The following TRDN variants were observed in gnomAD, a reference collection of about 807,000 sequenced individuals.
TRDN encodes triadin.
TRDN carries 161 observed loss-of-function variants against 149.7 expected under a neutral mutation model. That is an observed-to-expected ratio of 1.08 (90% confidence interval 0.95 to 1.23). The LOEUF (loss-of-function observed/expected upper bound fraction) is 1.23. Among genes scored for constraint, TRDN ranks in the 50% most tolerant of loss-of-function variants. The pLI is 0.00. For synonymous variants in TRDN, 294 were observed against 250.5 expected, an observed-to-expected ratio of 1.17 and a Z score of -1.64; for missense variants, 896 against 823.5, an observed-to-expected ratio of 1.09 and a Z score of -1.08.
At chr6:123,372,661 G>T (rs1487916197) in intron 19 of TRDN, among the ~76,000 whole-genome samples, 1 of 152,102 alleles carries the variant, frequency 6.6e-6, no homozygotes, top group Non-Finnish European at 1.5e-5. Context: ...CATTGAAAGA[G>T]AAAGGGGTGA....
At position 123,366,158 on chromosome 6, in the gene TRDN, A is replaced by G. The variant is rs773041942; in HGVS notation, c.1298T>C (p.Ile433Thr). ...ACCTTTTTTAATTGAAACCGCACCAATCTCCTCTTTGGCTCGTTCAGTTTC... is the reference window on the plus strand; with the variant it reads ...ACCTTTTTTAATTGAAACCGCACCAGTCTCCTCTTTGGCTCGTTCAGTTTC... ...KAKTERAKEE[I>T]GAVSIKKAVP... is the part of the protein sequence containing the mutation. The change falls in exon 20 of 41, where the codon ATT becomes ACT. Residue 433 changes from isoleucine to threonine, a missense_variant. Ile to Thr is a moderately conservative substitution (Grantham distance 89, BLOSUM62 -1). Transcript: ENST00000334268. The G allele has an allele frequency of 2.5e-6, 4 of 1,612,944 alleles. No homozygotes were observed. In the East Asian group the frequency reaches 6.7e-5, roughly 27 times the overall value.
intron 10 of TRDN, among the ~76,000 whole-genome samples, chr6:123,449,364 G>A (rs557656790): frequency 3.9e-5 from 6 of 152,014 alleles, no homozygotes; most frequent in East Asian, 3.9e-4. Context: ...GAAATAGATC[G>A]ATTAAAAAAA....
rs1453956245 is a variant in TRDN at position 123,217,687 on chromosome 6, A to T, written c.*914T>A. 3 of 152,034 alleles carry T rather than the reference A, an allele frequency of 2.0e-5. No individual in the cohort carries two copies. Among genetic ancestry groups the T allele is most frequent in the Admixed American group, 2.0e-4 (3 of 15,230 alleles). The allele number at this position is 152,034 out of a possible 1,614,324, so 9.4% of individuals were successfully genotyped here. A position where few individuals can be genotyped will look rare whatever the true frequency, so the allele number is the denominator to read the frequency against. On this transcript the variant is annotated 3_prime_UTR_variant, in exon 41 of 41. Coordinates refer to ENST00000334268, the MANE Select transcript of TRDN (RefSeq NM_006073.4). ...TTGATGGCATTCATATTTTGCCATTATGAGAAAGAAAAACATTTTACTTCA... is the reference window on the plus strand; with the variant it reads ...TTGATGGCATTCATATTTTGCCATTTTGAGAAAGAAAAACATTTTACTTCA...
At chr6:123,382,025 C>G (rs1781742619) in intron 15 of TRDN, 93 bp downstream of exon 15, 3 of 919,998 alleles carry the variant, frequency 3.3e-6, no homozygotes, top group Non-Finnish European at 4.5e-6. Context: ...CTATCCCACA[C>G]ATAATTCTTT....
intron 38 of TRDN, among the ~76,000 whole-genome samples, chr6:123,248,556 C>CA (rs898257868): frequency 5.3e-5 from 8 of 150,922 alleles, no homozygotes; most frequent in East Asian, 2.0e-4. Flanking sequence ...GACTCCATCT[C>CA]AAAAAAAATA....
At chr6:123,574,687 C>A (rs1156921894) in intron 1 of TRDN, among the ~76,000 whole-genome samples, 1 of 151,642 alleles carries the variant, frequency 6.6e-6, no homozygotes, top group South Asian at 2.1e-4. Flanking sequence ...TTCAGATTCA[C>A]TGTATTGAGT....
chr6:123,228,773 C>T (rs1303393853), intron 38 of TRDN, among the ~76,000 whole-genome samples: 1 of 151,872 alleles, frequency 6.6e-6, no homozygotes, highest in Non-Finnish European at 1.5e-5. Flanking sequence ...CCTAACATAC[C>T]TGCTGGCAGG....
At chr6:123,402,654 A>G (rs931401078) in intron 12 of TRDN, among the ~76,000 whole-genome samples, 1 of 152,280 alleles carries the variant, frequency 6.6e-6, no homozygotes, top group African/African-American at 2.4e-5. Flanking sequence ...TTTTGAAGAG[A>G]TAAAAGTGTC....
At chr6:123,366,843 A>G (rs1434341741) in intron 19 of TRDN, among the ~76,000 whole-genome samples, 2 of 152,192 alleles carry the variant, frequency 1.3e-5, no homozygotes, top group Non-Finnish European at 2.9e-5. Context: ...TAAGTTACAT[A>G]TGAATTATAG....
intron 14 of TRDN, among the ~76,000 whole-genome samples, chr6:123,384,271 G>A (rs903024351): frequency 2.6e-5 from 4 of 152,118 alleles, no homozygotes; most frequent in African/African-American, 9.7e-5. Context: ...GTATGAACTT[G>A]ATAGTTCAAT....
intron 1 of TRDN, among the ~76,000 whole-genome samples, chr6:123,575,285 G>C (rs1300274300): frequency 6.6e-6 from 1 of 151,886 alleles, no homozygotes; most frequent in Non-Finnish European, 1.5e-5. Context: ...ACATTAAGTT[G>C]TACCTTTCAA....
At chr6:123,635,391 G>A (rs1336655480) in intron 1 of TRDN, among the ~76,000 whole-genome samples, 1 of 151,314 alleles carries the variant, frequency 6.6e-6, no homozygotes, top group Non-Finnish European at 1.5e-5. Flanking sequence ...TGTTGGTAAT[G>A]CTGGTCTTGA....
At chr6:123,247,931 C>T (rs1275825648) in intron 38 of TRDN, among the ~76,000 whole-genome samples, 2 of 152,054 alleles carry the variant, frequency 1.3e-5, no homozygotes, top group African/African-American at 4.8e-5. Context: ...ACAAAGGCCA[C>T]AGAAATAACA....
At position 123,246,633 on chromosome 6, in the gene TRDN, T is replaced by C. The variant is rs528556474; in HGVS notation, c.1975+5779A>G. 2.3e-3 allele frequency among the ~76,000 whole-genome samples: 356 copies of C among 151,666 alleles called. 1 individual carries two copies. The highest frequency in any genetic ancestry group is 8.2e-3 in the African/African-American group (339 of 41,370). ...AAAAAAAGGCCCACGAGCAGATGGA[T>C]TCACAGCCAAGTTCTACCAGAGGTA... On this transcript the variant is annotated intron_variant, in intron 38 of 40. Transcript: ENST00000334268.
intron 24 of TRDN, among the ~76,000 whole-genome samples, chr6:123,285,635 T>A (rs529170606): frequency 5.8e-4 from 88 of 152,140 alleles, no homozygotes; most frequent in Non-Finnish European, 1.1e-3. Flanking sequence ...AGGAAAAGAC[T>A]TCATGAACAA....
intron 12 of TRDN, among the ~76,000 whole-genome samples, chr6:123,402,976 T>C (rs113863717): frequency 6.6e-6 from 1 of 152,110 alleles, no homozygotes; most frequent in Admixed American, 6.5e-5. Flanking sequence ...CAAATTTAAA[T>C]GAAAATATTG....
chr6:123,511,422 G>C (rs1458556288), intron 7 of TRDN, among the ~76,000 whole-genome samples: 1 of 151,952 alleles, frequency 6.6e-6, no homozygotes, highest in Non-Finnish European at 1.5e-5. Context: ...TTATATGCTT[G>C]TATCAAAACA....
intron 35 of TRDN, among the ~76,000 whole-genome samples, chr6:123,257,059 C>A (rs1467616723): frequency 6.6e-6 from 1 of 151,408 alleles, no homozygotes; most frequent in East Asian, 1.9e-4. Flanking sequence ...TGGCTCACTG[C>A]AACCTCTGCC....
At chr6:123,274,828 A>G (rs1202729566) in intron 26 of TRDN, among the ~76,000 whole-genome samples, 158 bp from the exon 27 acceptor site, 1 of 152,018 alleles carries the variant, frequency 6.6e-6, no homozygotes, top group Non-Finnish European at 1.5e-5. Flanking sequence ...AGCTGAGATC[A>G]TGCCACTGCA....
Sources: allele counts gnomAD v4.1 joint callset (sites outside exome capture counted in the v4.1 genomes callset), GRCh38; gene constraint gnomAD v4.1.1; transcripts MANE v1.5; gene names NCBI Gene and HGNC (gene_info 2026-07-23, HGNC 2026-07-21).